The following SGCZ variants were observed in gnomAD, a reference collection of about 807,000 sequenced individuals.
The protein encoded by SGCZ is zeta-sarcoglycan.
In SGCZ, 40 loss-of-function variants were observed where a neutral mutation model predicts 41.3. The ratio of observed to expected loss-of-function variants is 0.97; its 90% CI spans 0.75 to 1.26. SGCZ has a LOEUF of 1.26. SGCZ is among the 50% of genes most tolerant of loss of function. SGCZ has a pLI of 0.00. For missense variants in SGCZ, 552 were observed against 369.8 expected (o/e 1.49, Z -4.04); for synonymous variants, 206 against 137.5 (o/e 1.50, Z -3.49).
intron 4 of SGCZ, among the ~76,000 whole-genome samples, chr8:14,187,324 G>T (rs1178972289): frequency 1.3e-5 from 2 of 152,058 alleles, no homozygotes; most frequent in African/African-American, 4.8e-5. Flanking sequence ...TTAAAAACCC[G>T]AGAAAAGTCT....
At chr8:14,470,262 T>A (rs2116976176) in intron 2 of SGCZ, among the ~76,000 whole-genome samples, 1 of 152,312 alleles carries the variant, frequency 6.6e-6, no homozygotes, top group South Asian at 2.1e-4. Context: ...TGCTGAGTTT[T>A]GTTTTTTCTG....
chr8:14,666,345 A>G (rs1807910178), intron 1 of SGCZ, among the ~76,000 whole-genome samples: 1 of 152,120 alleles, frequency 6.6e-6, no homozygotes, highest in South Asian at 2.1e-4. Flanking sequence ...GGATGGCAAA[A>G]CTCACATGCA....
chr8:14,891,217 C>T (rs1301634529), intron 1 of SGCZ, among the ~76,000 whole-genome samples: 1 of 152,202 alleles, frequency 6.6e-6, no homozygotes, highest in Non-Finnish European at 1.5e-5. Flanking sequence ...AGTAATTCCT[C>T]TGATGAATCT....
In SGCZ at chr8:14,085,779, C is replaced by T. The variant is rs1208225663; in HGVS notation, c.*4664G>A. Among the ~76,000 whole-genome samples the T allele has an allele frequency of 2.0e-5, 3 of 151,706 alleles. No individual in the cohort carries two copies. The highest frequency in any genetic ancestry group is 7.2e-5 in the African/African-American group (3 of 41,388). ...TGATGTTTCCCTTCTGAAACAAAAG[C>T]ATTCCTTAATTTATACAACTCAGGA... On this transcript the variant is annotated 3_prime_UTR_variant, in exon 8 of 8. Coordinates refer to ENST00000382080, the MANE Select transcript of SGCZ (RefSeq NM_139167.4).
At chr8:14,514,825 G>A (rs201297551) in intron 2 of SGCZ, among the ~76,000 whole-genome samples, 10,356 of 135,550 alleles carry the variant, frequency 0.076, 589 homozygotes, top group African/African-American at 0.17. Flanking sequence ...ATATATACAC[G>A]CACACACACA....
chr8:14,492,579 T>C (rs1370745138), intron 2 of SGCZ, among the ~76,000 whole-genome samples: 1 of 152,164 alleles, frequency 6.6e-6, no homozygotes, highest in Non-Finnish European at 1.5e-5. Context: ...AAAGCTTTTT[T>C]TTCCACTCAA....
chr8:14,968,492 G>A (rs1332021660), intron 1 of SGCZ, among the ~76,000 whole-genome samples: 1 of 151,928 alleles, frequency 6.6e-6, no homozygotes, highest in Non-Finnish European at 1.5e-5. Context: ...TCCTAGATTA[G>A]GATAAGAAGA....
intron 2 of SGCZ, among the ~76,000 whole-genome samples, chr8:14,494,232 A>G (rs923557504): frequency 5.3e-5 from 8 of 152,212 alleles, no homozygotes; most frequent in African/African-American, 1.9e-4. Flanking sequence ...AAGTTGAAAT[A>G]AAGAGACTTC....
At chr8:15,155,728 C>G (rs1805390598) in intron 1 of SGCZ, among the ~76,000 whole-genome samples, 1 of 151,978 alleles carries the variant, frequency 6.6e-6, no homozygotes, top group Non-Finnish European at 1.5e-5. Context: ...ACAGTATAAA[C>G]CTGATTTGCA....
At chr8:14,486,886 A>C (rs189910940) in intron 2 of SGCZ, among the ~76,000 whole-genome samples, 1 of 152,238 alleles carries the variant, frequency 6.6e-6, no homozygotes, top group Non-Finnish European at 1.5e-5. Context: ...CAGTATTAGC[A>C]TACATCTCTC....
intron 2 of SGCZ, among the ~76,000 whole-genome samples, chr8:14,415,257 G>A (rs1289496609): frequency 6.6e-6 from 1 of 151,740 alleles, no homozygotes; most frequent in Non-Finnish European, 1.5e-5. Context: ...TTCCAAAATT[G>A]CATAATGGAT....
Position 15,150,579 on chromosome 8 carries a change from G to A in SGCZ, c.39+87006C>T, listed in dbSNP as rs531224600. On this transcript the variant is annotated intron_variant, in intron 1 of 7. Coordinates refer to ENST00000382080, the MANE Select transcript of SGCZ (RefSeq NM_139167.4). The stretch of plus-strand genomic sequence containing the variant: ...ATGAGTATATAAAGCAATTGAAGTC[G>A]GTCCCTGTTGATACTTGAACTGAAC... Among the ~76,000 whole-genome samples, 44 of 152,216 alleles carry A rather than the reference G, an allele frequency of 2.9e-4. 1 individual carries two copies. The South Asian group carries it at 7.2e-3, about 25-fold the overall frequency.
chr8:15,128,894 C>T (rs1807799747), intron 1 of SGCZ, among the ~76,000 whole-genome samples: 1 of 152,150 alleles, frequency 6.6e-6, no homozygotes, highest in Non-Finnish European at 1.5e-5. Flanking sequence ...CAGAATAAAA[C>T]ATTCTCTTCT....
At chr8:14,133,374 G>A (rs1338533242) in intron 5 of SGCZ, among the ~76,000 whole-genome samples, 1 of 152,060 alleles carries the variant, frequency 6.6e-6, no homozygotes, top group African/African-American at 2.4e-5. Context: ...TGTTTTTTGA[G>A]CAATTCCATT....
chr8:15,137,966 A>C (rs766312649), intron 1 of SGCZ, among the ~76,000 whole-genome samples: 2 of 152,154 alleles, frequency 1.3e-5, no homozygotes, highest in Non-Finnish European at 2.9e-5. Context: ...TGGAAATGCC[A>C]CAGACGCTCA....
chr8:14,747,937 G>A (rs1229097007), intron 1 of SGCZ, among the ~76,000 whole-genome samples: 1 of 149,782 alleles, frequency 6.7e-6, no homozygotes, highest in Non-Finnish European at 1.5e-5. Flanking sequence ...TGTTGGCCAG[G>A]CTAGTCTTGA....
chr8:14,546,171 C>T (rs1305427851), intron 2 of SGCZ, among the ~76,000 whole-genome samples: 1 of 152,148 alleles, frequency 6.6e-6, no homozygotes, highest in African/African-American at 2.4e-5. Context: ...AATCCACACA[C>T]ACCACACTGA....
At chr8:14,717,219 C>T (rs545935346) in intron 1 of SGCZ, among the ~76,000 whole-genome samples, 19 of 151,898 alleles carry the variant, frequency 1.3e-4, no homozygotes, top group Non-Finnish European at 2.2e-4. Context: ...TCAATACCAT[C>T]AATAATTATT....
chr8:15,137,111 T>C (rs573529338), intron 1 of SGCZ, among the ~76,000 whole-genome samples: 14 of 152,262 alleles, frequency 9.2e-5, no homozygotes, highest in Non-Finnish European at 1.5e-4. Flanking sequence ...CAGGCTGAGA[T>C]GGTCTTAGAG....
Sources: allele counts gnomAD v4.1 joint callset (sites outside exome capture counted in the v4.1 genomes callset), GRCh38; gene constraint gnomAD v4.1.1; transcripts MANE v1.5; gene names NCBI Gene and HGNC (gene_info 2026-07-23, HGNC 2026-07-21).